The following TUB variants were observed in gnomAD, a reference collection of about 807,000 sequenced individuals.
The protein encoded by TUB is tubby protein homolog.
Under a neutral mutation model 59.7 loss-of-function variants are expected in TUB, and 33 were observed. That is an observed-to-expected ratio of 0.55 (90% CI 0.42 to 0.74). The LOEUF is 0.74. Among genes scored for constraint, TUB ranks in the 30% least tolerant of loss-of-function variants. The probability of loss-of-function intolerance (pLI) is 0.00; values close to 1 mark genes in which losing one functional copy is unlikely to be tolerated. For missense variants in TUB, 659 were observed against 672.0 expected, an observed-to-expected ratio of 0.98 and a Z score of 0.21; for synonymous variants, 293 against 256.4, an observed-to-expected ratio of 1.14 and a Z score of -1.36.
At chr11:8,098,358 G>A (rs1158763948) in intron 8 of TUB, among the ~76,000 whole-genome samples, 2 of 152,140 alleles carry the variant, frequency 1.3e-5, no homozygotes, top group African/African-American at 4.8e-5. Flanking sequence ...AGATGGGGCT[G>A]GACTGAGACT....
intron 3 of TUB, among the ~76,000 whole-genome samples, chr11:8,093,714 A>C (rs768538691): frequency 6.6e-6 from 1 of 152,100 alleles, no homozygotes; most frequent in Non-Finnish European, 1.5e-5. Context: ...CCTCTCAGAC[A>C]TTCTCCCTGC....
At chr11:8,069,113 C>T (rs1443893781) in intron 2 of TUB, 1 of 152,180 alleles carries the variant, frequency 6.6e-6, no homozygotes, top group Non-Finnish European at 1.5e-5. Flanking sequence ...TGAGAAAGAC[C>T]TAGCCCACGA....
chr11:8,026,048 T>G (rs904370697), intron 1 of TUB, among the ~76,000 whole-genome samples: 2 of 152,246 alleles, frequency 1.3e-5, no homozygotes, highest in African/African-American at 4.8e-5. Context: ...CATTTTGCAT[T>G]GCCTTGATGA....
chr11:8,084,067 G>A (rs558496317), intron 1 of TUB, among the ~76,000 whole-genome samples: 3 of 152,326 alleles, frequency 2.0e-5, no homozygotes, highest in East Asian at 3.9e-4. Context: ...TGGCATGCAC[G>A]TGCTTTGACT....
intron 9 of TUB, among the ~76,000 whole-genome samples, chr11:8,099,181 T>A (rs971223750): frequency 1.3e-5 from 2 of 152,098 alleles, no homozygotes; most frequent in African/African-American, 2.4e-5. Flanking sequence ...TGTCTGTGCA[T>A]TTCCCAGATC....
At chr11:8,074,510 G>A (rs1322762525) in intron 2 of TUB, among the ~76,000 whole-genome samples, 1 of 152,126 alleles carries the variant, frequency 6.6e-6, no homozygotes, top group African/African-American at 2.4e-5. Context: ...GGCTGAGGCA[G>A]GAGGGTTGTT....
chr11:8,023,996 ATGATGAC>A (rs1942467633), intron 1 of TUB, among the ~76,000 whole-genome samples: 2 of 152,314 alleles, frequency 1.3e-5, no homozygotes, highest in African/African-American at 4.8e-5. Flanking sequence ...AAATTCCTAG[ATGATGAC>A]AGCTGGAATT....
chr11:8,063,944 A>G (rs1488058238), intron 2 of TUB, among the ~76,000 whole-genome samples: 1 of 151,986 alleles, frequency 6.6e-6, no homozygotes, highest in Non-Finnish European at 1.5e-5. Context: ...GAGTTGTTTT[A>G]ATGCCGTTGT....
chr11:8,080,694 A>G (rs959733275), upstream of TUB, among the ~76,000 whole-genome samples: 13 of 152,300 alleles, frequency 8.5e-5, no homozygotes, highest in Non-Finnish European at 1.3e-4. Context: ...CCTTGACGCT[A>G]TAGCTTAGAT....
intron 2 of TUB, among the ~76,000 whole-genome samples, chr11:8,059,580 G>A (rs999485838): frequency 1.5e-4 from 23 of 152,056 alleles, no homozygotes; most frequent in African/African-American, 5.1e-4. Flanking sequence ...CTGAGGAGAC[G>A]AGAGGGTGTG....
upstream of TUB, chr11:8,077,841 AC>A (rs1337840691): frequency 6.6e-6 from 1 of 151,934 alleles, no homozygotes; most frequent in Admixed American, 6.6e-5. Context: ...CATGCACCTG[AC>A]CCCCACTAAG....
chr11:8,048,711 C>G (rs1475470075), intron 2 of TUB, among the ~76,000 whole-genome samples: 1 of 152,104 alleles, frequency 6.6e-6, no homozygotes, highest in Non-Finnish European at 1.5e-5. Flanking sequence ...TGGCTGAAAG[C>G]TGTATTTTTT....
intron 1 of TUB, chr11:8,039,430 A>ACTGTCTGC: frequency 2.3e-6 from 1 of 441,282 alleles, no homozygotes; most frequent in Non-Finnish European, 3.9e-6. Flanking sequence ...CCTCATCTGG[A>ACTGTCTGC]CTGCCTGCCT....
At chr11:8,060,975 A>G (rs552053611) in intron 2 of TUB, among the ~76,000 whole-genome samples, 1 of 152,266 alleles carries the variant, frequency 6.6e-6, no homozygotes, top group Admixed American at 6.5e-5. Context: ...GGGTGATTTC[A>G]TCAGTGGATG....
intron 1 of TUB, among the ~76,000 whole-genome samples, chr11:8,083,778 G>C (rs892197244): frequency 4.6e-5 from 7 of 152,128 alleles, no homozygotes; most frequent in African/African-American, 1.7e-4. Flanking sequence ...TGTAGAGAGG[G>C]GGGTGTGTAG....
At chr11:8,074,200 C>T (rs1184604867) in intron 2 of TUB, among the ~76,000 whole-genome samples, 1 of 151,770 alleles carries the variant, frequency 6.6e-6, no homozygotes, top group East Asian at 1.9e-4. Flanking sequence ...TCAGGGATCA[C>T]TAGGAGGTCT....
Position 8,038,961 on chromosome 11 carries a change from A to G in TUB, c.88A>G (p.Met30Val), listed in dbSNP as rs774373147. 4.3e-6 allele frequency: 7 copies of G among 1,613,870 alleles called. No homozygotes were observed. Among genetic ancestry groups the G allele is most frequent in the Admixed American group, 1.7e-5 (1 of 59,990 alleles). The change falls in exon 1 of 13, where the codon ATG (methionine) becomes GTG (valine). Residue 30 changes from methionine to valine, a missense_variant. Coordinates refer to the TUB transcript ENST00000305253. ...GTTCCCAGGAGGCACTCCCTGGCCC[A>G]TGGGATCTCAGCATTCAAAGCAGCA...
chr11:8,088,740 A>G (rs989285096), intron 1 of TUB, among the ~76,000 whole-genome samples: 1 of 152,198 alleles, frequency 6.6e-6, no homozygotes, highest in Non-Finnish European at 1.5e-5. Flanking sequence ...GTCTCTGGCT[A>G]GCAAAAAGCT....
At chr11:8,039,810 G>A in intron 2 of TUB, 5 of 738,658 alleles carry the variant, frequency 6.8e-6, no homozygotes, top group South Asian at 6.0e-5. Context: ...ATATGCGCCT[G>A]GGAGTGTGTG....
Sources: gnomAD v4.1 joint callset for allele counts (sites outside exome capture counted in the v4.1 genomes callset) on GRCh38, gnomAD v4.1.1 for gene constraint, MANE v1.5 for transcripts, NCBI Gene and HGNC (gene_info 2026-07-23, HGNC 2026-07-21) for gene names.